PIWIL4: variants seen among roughly 807,000 people sequenced by gnomAD.
PIWIL4 encodes piwi-like protein 4.
In PIWIL4, 50 loss-of-function variants were observed where a neutral mutation model predicts 100.9. The observed-to-expected ratio is 0.50, with a 90% confidence interval of 0.39 to 0.63. The LOEUF (loss-of-function observed/expected upper bound fraction) is 0.63, where lower values mean the gene tolerates loss of function less well. Among genes scored for constraint, PIWIL4 ranks in the 20% least tolerant of loss-of-function variants. The pLI is 0.00. For synonymous variants in PIWIL4, 342 were observed against 367.5 expected (o/e 0.93, Z 0.79); for missense variants, 887 against 1,043.3 (o/e 0.85, Z 2.06).
At chr11:94,602,671 C>T (rs1948659361) in intron 12 of PIWIL4, among the ~76,000 whole-genome samples, 1 of 152,162 alleles carries the variant, frequency 6.6e-6, no homozygotes, top group South Asian at 2.1e-4. Context: ...CCTCATTTTA[C>T]TGAAACTGAT....
At chr11:94,592,637 A>G (rs551391006) in intron 8 of PIWIL4, among the ~76,000 whole-genome samples, 1 of 152,314 alleles carries the variant, frequency 6.6e-6, no homozygotes, top group Non-Finnish European at 1.5e-5. Context: ...TTTTATTGTG[A>G]TTATTGATCT....
rs593690 is a variant in PIWIL4, at chr11:94,604,054, C to T, written c.1636C>T (p.Leu546=). The T allele has an allele frequency of 0.42, 667,820 of 1,589,234 alleles. 148,832 individuals carry two copies. Among genetic ancestry groups the T allele is most frequent in the African/African-American group, 0.83 (61,502 of 74,200 alleles). Residue 546 remains leucine, a splice_region_variant and synonymous_variant, in exon 13 of 20, where the codon CTG becomes TTG. Transcript: ENST00000299001. ...IQQYVDPDVQ[L]VMCILPSNQK... ...GCAATATGTTGATCCTGATGTTCAG[C>T]TGGTAAGTACAGGATACTTTTTGAA...
Position 94,585,500 on chromosome 11 carries a change from G to A in PIWIL4, c.691G>A (p.Glu231Lys), listed in dbSNP as rs1270218049. 2 of 1,610,030 alleles carry A rather than the reference G, an allele frequency of 1.2e-6. No homozygotes were observed. The highest frequency in any genetic ancestry group is 1.7e-5 in the Admixed American group (1 of 59,300). ...QIGRNFYNPS[E>K]PMEIPQHKLS... The stretch of plus-strand genomic sequence containing the variant: ...TGGACGGAACTTCTATAATCCTTCA[G>A]AGCCAATGGAAATTCCCCAGCACAA... The change falls in exon 6 of 20, where the codon GAG (glutamate) becomes AAG (lysine). Residue 231 changes from glutamate (E) to lysine (K), a missense_variant. Glu to Lys is a moderately conservative substitution (Grantham distance 56). Around this residue, in one of 2 missense-constraint regions of PIWIL4, gnomAD observed 741 missense variants for 930.0 expected, o/e 0.80. Transcript: ENST00000299001.
intron 8 of PIWIL4, among the ~76,000 whole-genome samples, chr11:94,590,993 T>A (rs1301778997): frequency 6.6e-6 from 1 of 152,104 alleles, no homozygotes; most frequent in South Asian, 2.1e-4. Context: ...CAGAGTGTCA[T>A]GTGTAAAGGA....
chr11:94,614,094 A>G (rs907289882), intron 15 of PIWIL4, among the ~76,000 whole-genome samples: 2 of 150,426 alleles, frequency 1.3e-5, no homozygotes, highest in South Asian at 2.1e-4. Flanking sequence ...TTCTATCTCT[A>G]TATTGAAGTT....
chr11:94,572,462 T>C (rs1948170650), intron 2 of PIWIL4, among the ~76,000 whole-genome samples: 1 of 152,230 alleles, frequency 6.6e-6, no homozygotes, highest in Non-Finnish European at 1.5e-5. Context: ...AATTAATTTT[T>C]GTGTGAGGCG....
At position 94,575,019 on chromosome 11, in the gene PIWIL4, G is replaced by A; in HGVS notation, c.187G>A (p.Gly63Ser). 9.3e-6 allele frequency: 15 copies of A among 1,612,588 alleles called. No homozygotes were observed. The highest frequency in any genetic ancestry group is 1.3e-5 in the Non-Finnish European group (15 of 1,178,754). The change falls in exon 3 of 20, where the codon GGT becomes AGT. Residue 63 changes from glycine (G) to serine (S), a missense_variant. Physicochemically the swap from Gly to Ser is moderately conservative, Grantham distance 56. Around this residue, in one of 2 missense-constraint regions of PIWIL4, gnomAD observed 146 missense variants for 113.4 expected, o/e 1.29. Transcript: ENST00000299001. ...STNDKYGISSGDAGSTFMERG... is the reference protein window; with the variant it reads ...STNDKYGISSSDAGSTFMERG... ...TTTAGATAAATATGGGATATCTTCT[G>A]GTGATGCTGGAAGTACCTTCATGGA...
At chr11:94,612,322 T>G (rs1487706723) in intron 15 of PIWIL4, among the ~76,000 whole-genome samples, 1 of 151,912 alleles carries the variant, frequency 6.6e-6, no homozygotes, top group African/African-American at 2.4e-5. Context: ...GAGGTTTTTT[T>G]TTTTTTTTTT....
intron 10 of PIWIL4, among the ~76,000 whole-genome samples, chr11:94,595,833 A>C (rs1378405413): frequency 1.3e-5 from 2 of 152,224 alleles, no homozygotes; most frequent in African/African-American, 2.4e-5. Context: ...AGCAGACTGA[A>C]CTTTAGGAAA....
chr11:94,572,504 T>C (rs1229062051), intron 2 of PIWIL4, among the ~76,000 whole-genome samples: 1 of 152,242 alleles, frequency 6.6e-6, no homozygotes, highest in Admixed American at 6.5e-5. Flanking sequence ...GCTTTCTACA[T>C]ATGGCTAGCC....
At chr11:94,620,317 G>A (rs1948892120) in intron 19 of PIWIL4, among the ~76,000 whole-genome samples, 173 bp downstream of exon 19, 1 of 152,122 alleles carries the variant, frequency 6.6e-6, no homozygotes, top group African/African-American at 2.4e-5. Flanking sequence ...GTCCACAGTG[G>A]GAGGAAAGCA....
Position 94,568,787 on chromosome 11 carries a change from A to G in PIWIL4, c.145A>G (p.Thr49Ala). 6.2e-7 allele frequency: 1 copy of G among 1,605,948 alleles called. No individual in the cohort carries two copies. The highest frequency in any genetic ancestry group is 1.7e-5 in the Admixed American group (1 of 60,010). Reference sequence around the variant, plus strand: ...ATCCTCTAGCAATGGCTTCTTGGGAACAAGCAGGATCTCAACCAACGGTAA... The same window carrying G: ...ATCCTCTAGCAATGGCTTCTTGGGAGCAAGCAGGATCTCAACCAACGGTAA... The part of the protein sequence containing the change: ...EASSSNGFLG[T>A]SRISTNDKYG... The change falls in exon 2 of 20, where the codon ACA (threonine) becomes GCA (alanine). Residue 49 changes from threonine (T) to alanine (A), a missense_variant. Physicochemically the swap from Thr to Ala is moderately conservative, Grantham distance 58. Coordinates refer to ENST00000299001, the MANE Select transcript of PIWIL4 (RefSeq NM_152431.3).
chr11:94,607,401 A>G (rs1565281584), intron 13 of PIWIL4, 38 bp from the exon 14 acceptor site: 1 of 1,569,830 alleles, frequency 6.4e-7, no homozygotes, highest in Admixed American at 1.7e-5. Flanking sequence ...AGCAGAAGTA[A>G]ATTAACTTCC....
At chr11:94,597,988 G>A (rs1037332423) in intron 11 of PIWIL4, 73 bp downstream of exon 11, 33 of 1,118,722 alleles carry the variant, frequency 2.9e-5, no homozygotes, top group Non-Finnish European at 4.2e-5. Flanking sequence ...ATTGGCCAGA[G>A]TGGCTTGTGT....
In PIWIL4 at chr11:94,593,587, G is replaced by T. The variant is rs753682337; in HGVS notation, c.1096G>T (p.Asp366Tyr). 23 of 1,613,970 alleles carry T rather than the reference G, an allele frequency of 1.4e-5. No individual in the cohort carries two copies. Among genetic ancestry groups the T allele is most frequent in the Non-Finnish European group, 1.9e-5 (22 of 1,179,926 alleles). Residue 366 changes from aspartate to tyrosine, a missense_variant, in exon 9 of 20, where the codon GAC becomes TAC. Asp to Tyr is a radical substitution (Grantham distance 160, BLOSUM62 -3). Coordinates refer to ENST00000299001, the MANE Select transcript of PIWIL4 (RefSeq NM_152431.3). ...LVSLLKKKRN[D>Y]NSEAQLAHLI... is the part of the protein sequence containing the mutation. ...TAGTCTGTTAAAGAAGAAGAGAAAT[G>T]ACAACAGTGAGGCTCAGCTCGCCCA...
At chr11:94,586,622 TAC>T (rs1948402326) in intron 6 of PIWIL4, among the ~76,000 whole-genome samples, 1 of 152,192 alleles carries the variant, frequency 6.6e-6, no homozygotes, top group African/African-American at 2.4e-5. Flanking sequence ...TTCCTATAGT[TAC>T]GGTTTTCAGG....
chr11:94,601,686 A>G, intron 11 of PIWIL4, 109 bp from the exon 12 acceptor site: 1 of 1,042,626 alleles, frequency 9.6e-7, no homozygotes, highest in South Asian at 1.3e-5. Context: ...ACTGAATAGC[A>G]AACTGTGTTA....
chr11:94,609,967 T>C (rs1948770056), intron 15 of PIWIL4, among the ~76,000 whole-genome samples: 1 of 152,140 alleles, frequency 6.6e-6, no homozygotes, highest in Non-Finnish European at 1.5e-5. Context: ...CTCAACATGC[T>C]GTACATTGTG....
At chr11:94,573,585 T>A (rs1303654073) in intron 2 of PIWIL4, among the ~76,000 whole-genome samples, 4 of 152,184 alleles carry the variant, frequency 2.6e-5, no homozygotes, top group Non-Finnish European at 4.4e-5. Context: ...ATGTGATGGA[T>A]TACGTTTATT....
Sources: gnomAD v4.1 joint callset for allele counts (sites outside exome capture counted in the v4.1 genomes callset) on GRCh38, gnomAD v4.1.1 for gene constraint, gnomAD v4.1.1 regional missense constraint, MANE v1.5 for transcripts, NCBI Gene and HGNC (gene_info 2026-07-23, HGNC 2026-07-21) for gene names.